RALYL: variants seen among roughly 807,000 people sequenced by gnomAD.
RALYL encodes RALY RNA binding protein like.
In RALYL, 29 loss-of-function variants were observed where a neutral mutation model predicts 35.1. That is an observed-to-expected ratio of 0.83 (90% CI 0.61 to 1.13). RALYL has a LOEUF of 1.13. Ranked by LOEUF, RALYL falls within the 50% of genes most tolerant of loss-of-function variation. RALYL has a pLI of 0.00. For missense variants in RALYL, 359 were observed against 360.4 expected (o/e 1.00, Z 0.03); for synonymous variants, 120 against 127.6 (o/e 0.94, Z 0.40).
intron 7 of RALYL, among the ~76,000 whole-genome samples, chr8:84,886,775 C>A (rs561029061): frequency 6.6e-6 from 1 of 152,260 alleles, no homozygotes; most frequent in East Asian, 1.9e-4. Flanking sequence ...AGAGGAAATT[C>A]TAGTAATGTG....
chr8:84,919,348 AT>A (rs1563868529), intron 8 of RALYL, among the ~76,000 whole-genome samples: 1 of 151,938 alleles, frequency 6.6e-6, no homozygotes, highest in African/African-American at 2.4e-5. Flanking sequence ...CTTTTATTTT[AT>A]TTTTTAAGTT....
At chr8:84,429,055 A>G (rs2046859105) in intron 1 of RALYL, among the ~76,000 whole-genome samples, 1 of 152,170 alleles carries the variant, frequency 6.6e-6, no homozygotes, top group Non-Finnish European at 1.5e-5. Context: ...TTATCTAATG[A>G]AAGCCAAGCA....
chr8:84,532,223 T>G (rs1343145824), intron 2 of RALYL, among the ~76,000 whole-genome samples: 1 of 152,038 alleles, frequency 6.6e-6, no homozygotes, highest in African/African-American at 2.4e-5. Context: ...CCAGCGGTTT[T>G]TTTGTTTGTT....
intron 1 of RALYL, among the ~76,000 whole-genome samples, chr8:84,189,598 C>G (rs1377789506): frequency 6.6e-6 from 1 of 151,308 alleles, no homozygotes; most frequent in Non-Finnish European, 1.5e-5. Flanking sequence ...TTGGAGGAAA[C>G]TGAGACTTGG....
At position 84,514,112 on chromosome 8, in the gene RALYL, A is replaced by G. The variant is rs796836533; in HGVS notation, c.-23-15187A>G. Among the ~76,000 whole-genome samples the G allele has an allele frequency of 3.4e-3, 482 of 139,940 alleles. 3 individuals carry two copies. The highest frequency in any genetic ancestry group is 0.012 in the African/African-American group (455 of 37,510). The allele number at this position is 139,940 out of a possible 152,430, so 91.8% of individuals were successfully genotyped here. On this transcript the variant is annotated intron_variant, in intron 1 of 8. Transcript: ENST00000521268. The stretch of plus-strand genomic sequence containing the variant: ...ATCTAAAAAAAAAAAAAAAAAAAAA[A>G]AAAGAAAGAAAGAAAGAAAAAAAGA...
intron 1 of RALYL, among the ~76,000 whole-genome samples, chr8:84,319,386 G>C (rs1378160923): frequency 6.6e-6 from 1 of 151,984 alleles, no homozygotes; most frequent in East Asian, 1.9e-4. Flanking sequence ...TTTTGTCCTT[G>C]GTTTGAAAGT....
chr8:84,287,844 C>T (rs1046633395), intron 1 of RALYL, among the ~76,000 whole-genome samples: 4 of 152,032 alleles, frequency 2.6e-5, no homozygotes, highest in Non-Finnish European at 5.9e-5. Flanking sequence ...AAAATATTTT[C>T]ATTGAGGTTG....
chr8:84,646,043 A>G (rs1827418936), intron 2 of RALYL, among the ~76,000 whole-genome samples: 1 of 151,774 alleles, frequency 6.6e-6, no homozygotes, highest in Admixed American at 6.6e-5. Flanking sequence ...AGTTTCCTTG[A>G]CCTATAGTTT....
At chr8:84,627,988 T>A (rs78489854) in intron 2 of RALYL, among the ~76,000 whole-genome samples, 1,540 of 152,202 alleles carry the variant, frequency 0.01, 25 homozygotes, top group African/African-American at 0.034. Context: ...TGTTTCGTCT[T>A]TCTCTTTTGC....
chr8:84,464,808 T>C (rs2051332078), intron 1 of RALYL, among the ~76,000 whole-genome samples: 1 of 147,230 alleles, frequency 6.8e-6, no homozygotes, highest in African/African-American at 2.5e-5. Flanking sequence ...ACCTGTTGTT[T>C]CCTGACTTTT....
intron 1 of RALYL, among the ~76,000 whole-genome samples, chr8:84,274,391 G>A (rs1015827727): frequency 6.6e-6 from 1 of 152,050 alleles, no homozygotes; most frequent in Admixed American, 6.6e-5. Context: ...GTTAACTTCA[G>A]GAAGCTGAGC....
Position 84,310,934 on chromosome 8 carries a change from C to G in RALYL, c.-24+126510C>G, listed in dbSNP as rs1446385619. 1.1e-3 allele frequency among the ~76,000 whole-genome samples: 155 copies of G among 144,034 alleles called. 5 individuals carry two copies. Among genetic ancestry groups the G allele is most frequent in the Admixed American group, 3.1e-3 (45 of 14,668 alleles). 94.5% of individuals were successfully genotyped at this position (144,034 alleles called of 152,430 possible). The stretch of plus-strand genomic sequence containing the variant: ...CGGTGGCGGGCGCCTGTAGTCCCAG[C>G]TACTCGGGAGGCTGAGGCAGGAGAA... On this transcript the variant is annotated intron_variant, in intron 1 of 8. Coordinates refer to ENST00000521268, the MANE Select transcript of RALYL (RefSeq NM_173848.7).
intron 1 of RALYL, among the ~76,000 whole-genome samples, chr8:84,514,793 G>A (rs2057926568): frequency 6.6e-6 from 1 of 152,172 alleles, no homozygotes; most frequent in Non-Finnish European, 1.5e-5. Flanking sequence ...TGTGTTGTAT[G>A]TGGATTGTTG....
intron 1 of RALYL, among the ~76,000 whole-genome samples, chr8:84,402,612 C>G (rs1055825149): frequency 3.3e-5 from 5 of 152,054 alleles, no homozygotes; most frequent in African/African-American, 4.8e-5. Context: ...ACACTATGAT[C>G]TTAGTGTTAA....
intron 5 of RALYL, among the ~76,000 whole-genome samples, chr8:84,850,564 A>G (rs1835635525): frequency 6.6e-6 from 1 of 152,248 alleles, no homozygotes; most frequent in South Asian, 2.1e-4. Flanking sequence ...AAACATTAAC[A>G]ACTTTTATTC....
chr8:84,530,514 AACTTCCCCCATCAT>A (rs2059209097), intron 2 of RALYL, among the ~76,000 whole-genome samples: 1 of 151,978 alleles, frequency 6.6e-6, no homozygotes, highest in Non-Finnish European at 1.5e-5. Context: ...TTTGATTCTT[AACTTCCCCCATCAT>A]CAAGTTCGCT....
Position 84,198,563 on chromosome 8 carries a change from T to C in RALYL, c.-24+14139T>C, listed in dbSNP as rs184973681. On this transcript the variant is annotated intron_variant, in intron 1 of 8. Coordinates refer to ENST00000521268, the MANE Select transcript of RALYL (RefSeq NM_173848.7). ...TTAAACATGTGCAATTAAATTATTA[T>C]TGATTATAGTCACCTTGTTGTGCTA... Among the ~76,000 whole-genome samples, 148 of 152,328 alleles carry C rather than the reference T, an allele frequency of 9.7e-4. 1 individual carries two copies. The highest frequency in any genetic ancestry group is 6.9e-4 in the Non-Finnish European group (47 of 68,024).
At chr8:84,632,172 G>A (rs1239389562) in intron 2 of RALYL, among the ~76,000 whole-genome samples, 2 of 151,884 alleles carry the variant, frequency 1.3e-5, no homozygotes, top group African/African-American at 4.8e-5. Flanking sequence ...TGAACAAGAA[G>A]GCAGGACCTC....
intron 1 of RALYL, among the ~76,000 whole-genome samples, chr8:84,371,110 A>G (rs1252538995): frequency 6.6e-6 from 1 of 151,880 alleles, no homozygotes; most frequent in Non-Finnish European, 1.5e-5. Flanking sequence ...GCTCCTCCTC[A>G]CGGAAGCCCC....
Sources: gnomAD v4.1 joint callset for allele counts (sites outside exome capture counted in the v4.1 genomes callset) on GRCh38, gnomAD v4.1.1 for gene constraint, MANE v1.5 for transcripts, NCBI Gene and HGNC (gene_info 2026-07-23, HGNC 2026-07-21) for gene names.